The following YTHDC2 variants were observed in gnomAD, a reference collection of about 807,000 sequenced individuals.
YTHDC2 encodes the protein 3'-5' RNA helicase YTHDC2.
A neutral mutation model predicts 174.9 loss-of-function variants in YTHDC2; 45 were observed. The observed-to-expected ratio is 0.26, with a 90% CI of 0.20 to 0.33. YTHDC2 has a LOEUF of 0.33. Ranked by LOEUF, YTHDC2 falls within the 10% of genes least tolerant of loss-of-function variation. The probability of loss-of-function intolerance (pLI) is 1.00; values close to 1 mark genes in which losing one functional copy is unlikely to be tolerated. For missense variants in YTHDC2, 1,650 were observed against 1,723.7 expected, an observed-to-expected ratio of 0.96 and a Z score of 0.76; for synonymous variants, 657 against 574.5, an observed-to-expected ratio of 1.14 and a Z score of -2.05.
chr5:113,578,874 A>G (rs556854732), intron 23 of YTHDC2, among the ~76,000 whole-genome samples: 12 of 152,280 alleles, frequency 7.9e-5, no homozygotes, highest in African/African-American at 2.6e-4. Flanking sequence ...ATTTTCGTGT[A>G]GAAAATAATT....
chr5:113,573,434 T>C lies in YTHDC2; in HGVS notation c.3244+5585T>C, dbSNP rs115546678. ...TTCCTTTAGACCTTGGAGAATCTGA[T>C]GATTTTTTTGTCTTGGGGTTGATCT... On this transcript the variant is annotated intron_variant, in intron 23 of 29. Transcript: ENST00000161863. 2.8e-3 allele frequency among the ~76,000 whole-genome samples: 421 copies of C among 152,222 alleles called. 3 individuals are homozygous for C. Among genetic ancestry groups the C allele is most frequent in the African/African-American group, 9.4e-3 (392 of 41,558 alleles).
At chr5:113,561,250 TTCTATG>T in intron 18 of YTHDC2, 65 bp downstream of exon 18, 1 of 1,258,754 alleles carries the variant, frequency 7.9e-7, no homozygotes, top group Non-Finnish European at 1.1e-6. Context: ...CCATTTCAAC[TTCTATG>T]GATTAGGCCT....
At chr5:113,540,285 T>C (rs1172375329) in intron 8 of YTHDC2, among the ~76,000 whole-genome samples, 1 of 152,202 alleles carries the variant, frequency 6.6e-6, no homozygotes, top group Non-Finnish European at 1.5e-5. Context: ...TGTATGAATA[T>C]TGGTCATTGA....
At chr5:113,574,142 G>C (rs1013877732) in intron 23 of YTHDC2, among the ~76,000 whole-genome samples, 1 of 152,168 alleles carries the variant, frequency 6.6e-6, no homozygotes, top group African/African-American at 2.4e-5. Flanking sequence ...TGAGGTTTTT[G>C]TGGAGTCTTT....
At chr5:113,521,061 G>A (rs542450609) in intron 2 of YTHDC2, among the ~76,000 whole-genome samples, 116 of 152,308 alleles carry the variant, frequency 7.6e-4, no homozygotes, top group African/African-American at 2.6e-3. Flanking sequence ...ATGGCCTTCA[G>A]CTCCATCTGT....
At chr5:113,540,880 C>A (rs1223075235) in intron 8 of YTHDC2, 88 bp from the exon 9 acceptor site, 1 of 1,275,488 alleles carries the variant, frequency 7.8e-7, no homozygotes, top group Non-Finnish European at 1.1e-6. Context: ...TAAGAGATAC[C>A]AGATTCCCAT....
At chr5:113,541,798 T>C (rs1423227022) in intron 9 of YTHDC2, among the ~76,000 whole-genome samples, 2 of 152,068 alleles carry the variant, frequency 1.3e-5, no homozygotes, top group East Asian at 3.8e-4. Context: ...TATATAATGA[T>C]ATATATCCTA....
intron 17 of YTHDC2, among the ~76,000 whole-genome samples, chr5:113,557,041 T>C (rs1014226736): frequency 1.4e-4 from 21 of 152,202 alleles, no homozygotes; most frequent in Non-Finnish European, 2.9e-5. Context: ...ATGCATCTAG[T>C]AGTCTTTTGT....
At chr5:113,532,633 A>G (rs764168813) in intron 4 of YTHDC2, among the ~76,000 whole-genome samples, 1 of 152,238 alleles carries the variant, frequency 6.6e-6, no homozygotes, top group East Asian at 1.9e-4. Context: ...TATAATCTTC[A>G]TGTAAACCTT....
chr5:113,563,578 T>G, intron 19 of YTHDC2, 86 bp downstream of exon 19: 2 of 1,407,218 alleles, frequency 1.4e-6, no homozygotes, highest in Non-Finnish European at 1.9e-6. Flanking sequence ...TAATTTTGTA[T>G]AATTATTTTT....
chr5:113,550,987 A>G (rs575544503), intron 12 of YTHDC2, among the ~76,000 whole-genome samples: 60 of 152,232 alleles, frequency 3.9e-4, no homozygotes, highest in Non-Finnish European at 7.5e-4. Flanking sequence ...AAAGAAAACA[A>G]TGGAGCCTGA....
chr5:113,532,756 A>T, intron 4 of YTHDC2, 123 bp from the exon 5 acceptor site: 1 of 823,066 alleles, frequency 1.2e-6, no homozygotes, highest in Non-Finnish European at 1.8e-6. Context: ...AATGTTGTTG[A>T]TTTTATGATT....
At chr5:113,589,195 C>A (rs1300075112) in intron 26 of YTHDC2, among the ~76,000 whole-genome samples, 1 of 151,466 alleles carries the variant, frequency 6.6e-6, no homozygotes, top group African/African-American at 2.4e-5. Context: ...AGATGTAAGA[C>A]CATCTCATAT....
chr5:113,561,957 G>GGTGTGGGTGTGT (rs1554099025), intron 18 of YTHDC2, among the ~76,000 whole-genome samples: 2 of 134,960 alleles, frequency 1.5e-5, no homozygotes, highest in East Asian at 2.2e-4. Flanking sequence ...ATTAATTGTG[G>GGTGTGGGTGTGT]GTGTGTGTGT....
At chr5:113,562,168 C>T (rs957813746) in intron 18 of YTHDC2, among the ~76,000 whole-genome samples, 1 of 147,588 alleles carries the variant, frequency 6.8e-6, no homozygotes, top group African/African-American at 2.5e-5. Flanking sequence ...TGATTTCCCA[C>T]TTCCCAATGC....
Position 113,591,256 on chromosome 5 carries a change from T to C in YTHDC2, c.4029+12T>C. On this transcript the variant is annotated intron_variant, in intron 27 of 29. Transcript: ENST00000161863. ...CTGGACATTTCCAGGTGAGCCACCC[T>C]GAATCAGTAAAATGGGGTTGTTCTG... 1 of 1,613,334 alleles carries C rather than the reference T, an allele frequency of 6.2e-7. No homozygotes were observed. The highest frequency in any genetic ancestry group is 8.5e-7 in the Non-Finnish European group (1 of 1,179,466).
At chr5:113,561,958 G>GTT (rs1777012073) in intron 18 of YTHDC2, among the ~76,000 whole-genome samples, 1 of 15,688 alleles carries the variant, frequency 6.4e-5, no homozygotes, top group East Asian at 1.2e-3. Flanking sequence ...TTAATTGTGG[G>GTT]TGTGTGTGTG....
At chr5:113,544,260 T>C (rs929612777) in intron 10 of YTHDC2, among the ~76,000 whole-genome samples, 4 of 152,168 alleles carry the variant, frequency 2.6e-5, no homozygotes, top group Non-Finnish European at 5.9e-5. Context: ...GTGATTCTTC[T>C]GGCTCAGCCT....
At chr5:113,527,396 G>A (rs1469072134) in intron 4 of YTHDC2, among the ~76,000 whole-genome samples, 1 of 152,170 alleles carries the variant, frequency 6.6e-6, no homozygotes, top group East Asian at 1.9e-4. Context: ...TAACAGATTG[G>A]AAGTAGTAAG....
Sources: gnomAD v4.1 joint callset for allele counts (sites outside exome capture counted in the v4.1 genomes callset) on GRCh38, gnomAD v4.1.1 for gene constraint, MANE v1.5 for transcripts, NCBI Gene and HGNC (gene_info 2026-07-23, HGNC 2026-07-21) for gene names.